TMED5: variants seen among roughly 807,000 people sequenced by gnomAD.
TMED5 encodes the protein transmembrane p24 trafficking protein 5.
In TMED5, 27 loss-of-function variants were observed where a neutral mutation model predicts 23.0. The ratio of observed to expected loss-of-function variants is 1.17; its 90% CI spans 0.86 to 1.62. The LOEUF (loss-of-function observed/expected upper bound fraction) is 1.62. TMED5 is among the 40% of genes most tolerant of loss of function. TMED5 has a pLI of 0.00. For missense variants in TMED5, 248 were observed against 273.7 expected (o/e 0.91, Z 0.66); for synonymous variants, 97 against 100.8 (o/e 0.96, Z 0.23).
chr1:93,166,068 T>C (rs192075718), intron 1 of TMED5, among the ~76,000 whole-genome samples: 46 of 152,356 alleles, frequency 3.0e-4, no homozygotes, highest in African/African-American at 1.1e-3. Context: ...TCCAGTTCCA[T>C]CCATGTTGCA....
intron 1 of TMED5, among the ~76,000 whole-genome samples, chr1:93,178,365 T>C (rs2101179647): frequency 6.6e-6 from 1 of 152,342 alleles, no homozygotes; most frequent in African/African-American, 2.4e-5. Context: ...GAAATGCCCC[T>C]TGTTCCTGGC....
At position 93,154,872 on chromosome 1, in the gene TMED5, ATGCTGTTG is replaced by A. The variant is rs757200503; in HGVS notation, c.480_487del (p.Asn161GlnfsTer15). The A allele has an allele frequency of 8.7e-6, 14 of 1,600,928 alleles. No homozygotes were observed. Among genetic ancestry groups the A allele is most frequent in the Non-Finnish European group, 1.2e-5 (14 of 1,170,636 alleles). On this transcript the variant is annotated frameshift_variant, in exon 4 of 4. Coordinates refer to ENST00000370282, the MANE Select transcript of TMED5 (RefSeq NM_016040.5). LOFTEE classifies it high-confidence loss of function. ...CCCACTTTTGCTTAGTCTGGACTTGATGCTGTTGATGGATTCCTGGAGATAAATAAAAT... is the reference window on the plus strand; with the variant it reads ...CCCACTTTTGCTTAGTCTGGACTTGAATGGATTCCTGGAGATAAATAAAAT...
intron 1 of TMED5, among the ~76,000 whole-genome samples, chr1:93,169,347 A>AT (rs974915677): frequency 7.2e-5 from 11 of 152,224 alleles, no homozygotes; most frequent in South Asian, 2.1e-4. Flanking sequence ...TCAAGATAAA[A>AT]TTTTTTTTAA....
chr1:93,158,943 T>G, intron 2 of TMED5: 1 of 658,912 alleles, frequency 1.5e-6, no homozygotes, highest in African/African-American at 2.0e-5. Flanking sequence ...CTTTTAAAAT[T>G]ACTATTTCTA....
chr1:93,173,633 A>G (rs1648804732), intron 1 of TMED5, among the ~76,000 whole-genome samples: 1 of 152,250 alleles, frequency 6.6e-6, no homozygotes, highest in South Asian at 2.1e-4. Flanking sequence ...GTCAGTGAAG[A>G]ATTCTTTAAG....
chr1:93,172,647 T>C (rs959868426), intron 1 of TMED5, among the ~76,000 whole-genome samples: 7 of 151,930 alleles, frequency 4.6e-5, no homozygotes, highest in African/African-American at 1.7e-4. Flanking sequence ...AATTAGTACA[T>C]TGTTGGTGGG....
intron 1 of TMED5, among the ~76,000 whole-genome samples, chr1:93,177,924 T>C (rs1648977587): frequency 6.6e-6 from 1 of 152,184 alleles, no homozygotes; most frequent in South Asian, 2.1e-4. Context: ...CTGGTGCTCT[T>C]AACTATAAGA....
chr1:93,179,894 C>A, intron 1 of TMED5, 160 bp downstream of exon 1: 1 of 685,712 alleles, frequency 1.5e-6, no homozygotes, highest in Non-Finnish European at 2.3e-6. Context: ...GCGAGAGCCT[C>A]GCCTCGCCTC....
At chr1:93,170,438 C>T (rs961220743) in intron 1 of TMED5, among the ~76,000 whole-genome samples, 1 of 152,262 alleles carries the variant, frequency 6.6e-6, no homozygotes, top group African/African-American at 2.4e-5. Flanking sequence ...CGATTTCTCG[C>T]AGGACCTTAG....
chr1:93,173,974 T>C (rs1349709015), intron 1 of TMED5, among the ~76,000 whole-genome samples: 2 of 152,108 alleles, frequency 1.3e-5, no homozygotes, highest in Non-Finnish European at 2.9e-5. Flanking sequence ...TGTTTTTTTT[T>C]TGAGATGGAG....
At chr1:93,156,117 G>A (rs757299658) in intron 3 of TMED5, 183 bp downstream of exon 3, 20 of 1,233,040 alleles carry the variant, frequency 1.6e-5, no homozygotes, top group Non-Finnish European at 2.2e-5. Context: ...ACTATAAAAG[G>A]GCTATATTAA....
chr1:93,180,246 T>A lies in TMED5; in HGVS notation c.-4A>T, dbSNP rs761273815. The A allele has an allele frequency of 6.2e-7, 1 of 1,604,564 alleles. No individual in the cohort carries two copies. ...GCAGCCAGATCTTGTCGCCCATCCCTGCTGGGGCGATCCCGGGCTGAAAGA... is the reference window on the plus strand; with the variant it reads ...GCAGCCAGATCTTGTCGCCCATCCCAGCTGGGGCGATCCCGGGCTGAAAGA... On this transcript the variant is annotated 5_prime_UTR_variant, in exon 1 of 4. Coordinates refer to ENST00000370282, the MANE Select transcript of TMED5 (RefSeq NM_016040.5).
intron 1 of TMED5, among the ~76,000 whole-genome samples, chr1:93,175,299 C>CTATA (rs1239274904): frequency 3.1e-3 from 348 of 110,642 alleles, no homozygotes; most frequent in Non-Finnish European, 5.0e-3. Flanking sequence ...TCCCTTATGC[C>CTATA]TATATATATA....
In TMED5 at chr1:93,151,381, G is replaced by C. The variant is rs1174609044; in HGVS notation, c.*3289C>G. 1 of 152,130 alleles carries C rather than the reference G, an allele frequency of 6.6e-6. No homozygotes were observed. Among genetic ancestry groups the C allele is most frequent in the Non-Finnish European group, 1.5e-5 (1 of 68,014 alleles). The allele number at this position is 152,130 out of a possible 1,614,324, so 9.4% of individuals were successfully genotyped here. A position where few individuals can be genotyped will look rare whatever the true frequency, so the allele number is the denominator to read the frequency against. On this transcript the variant is annotated 3_prime_UTR_variant, in exon 4 of 4. Transcript: ENST00000370282. ...TGCTAACAAGTTTTAAGATGTTTCT[G>C]AACAAGTTTTAAAATATTTCTGAAA...
intron 3 of TMED5, chr1:93,156,048 T>A (rs1283106491): frequency 6.8e-7 from 1 of 1,467,744 alleles, no homozygotes; most frequent in Non-Finnish European, 9.1e-7. Flanking sequence ...AGATGCAGTC[T>A]TATTTGCACA....
chr1:93,158,577 G>GTTTTTT lies in TMED5; in HGVS notation c.287+1551_287+1552insAAAAAA, dbSNP rs35305642. On this transcript the variant is annotated intron_variant, in intron 2 of 3. Transcript: ENST00000370282. ...ACTTAAAAGATGAACTACATTTTTA[G>GTTTTTT]TTTTGTTTTTTTTTTTGAGATGGAG... is the stretch of plus-strand genomic sequence containing the variant. Among the ~76,000 whole-genome samples the GTTTTTT allele has an allele frequency of 2.8e-5, 4 of 143,556 alleles. 2 individuals are homozygous for GTTTTTT. The highest frequency in any genetic ancestry group is 3.0e-5 in the Non-Finnish European group (2 of 65,736). The allele number at this position is 143,556 out of a possible 152,430, so 94.2% of individuals were successfully genotyped here. A position where few individuals can be genotyped will look rare whatever the true frequency, so the allele number is the denominator to read the frequency against.
chr1:93,156,944 A>G (rs1648096130), intron 2 of TMED5, among the ~76,000 whole-genome samples: 1 of 152,196 alleles, frequency 6.6e-6, no homozygotes. Flanking sequence ...AGCAACCTGA[A>G]AATATATATG....
intron 1 of TMED5, among the ~76,000 whole-genome samples, chr1:93,178,351 T>C (rs547734145): frequency 5.3e-5 from 8 of 152,326 alleles, no homozygotes; most frequent in African/African-American, 1.4e-4. Context: ...TTGTTCGCTT[T>C]TCTGAAATGC....
chr1:93,179,325 G>T (rs1054535550), intron 1 of TMED5, among the ~76,000 whole-genome samples: 11 of 141,744 alleles, frequency 7.8e-5, no homozygotes, highest in Non-Finnish European at 1.2e-4. Context: ...TAGCGCCACT[G>T]CACTCCAACT....
Sources: gnomAD v4.1 joint callset for allele counts (sites outside exome capture counted in the v4.1 genomes callset) on GRCh38, gnomAD v4.1.1 for gene constraint, MANE v1.5 for transcripts, NCBI Gene and HGNC (gene_info 2026-07-23, HGNC 2026-07-21) for gene names.